The following REV3L variants were observed in gnomAD, a reference collection of about 807,000 sequenced individuals.
REV3L encodes the protein REV3 like, DNA directed polymerase zeta catalytic subunit, also known as DNA polymerase zeta catalytic subunit.
Under a neutral mutation model 299.4 loss-of-function variants are expected in REV3L, and 69 were observed. The observed-to-expected ratio is 0.23, with a 90% confidence interval of 0.19 to 0.28. REV3L has a LOEUF of 0.28. REV3L is among the 10% of genes least tolerant of loss of function. The pLI is 1.00. For missense variants in REV3L, 3,128 were observed against 3,693.8 expected, an observed-to-expected ratio of 0.85 and a Z score of 3.97; for synonymous variants, 1,238 against 1,271.4, an observed-to-expected ratio of 0.97 and a Z score of 0.56.
chr6:111,376,403 G>C lies in REV3L; in HGVS notation c.1952C>G (p.Pro651Arg). ...AATACTACTTTCACAGGAAGATACT[G>C]GGAGGATCTCTTTCTTACTATTCTC... ...HKENSKKEIL[P>R]VSSCESSIFD... is the part of the protein sequence containing the mutation. The change falls in exon 13 of 32, where the codon CCA becomes CGA. Residue 651 changes from proline to arginine, a missense_variant. Physicochemically the swap from Pro to Arg is moderately radical, Grantham distance 103. This residue lies in a region of REV3L where 2,409 missense variants were observed against 2,611.8 expected (regional missense o/e 0.92). Transcript: ENST00000368802. 6.2e-7 allele frequency: 1 copy of C among 1,613,426 alleles called. No homozygotes were observed. Among genetic ancestry groups the C allele is most frequent in the Non-Finnish European group, 8.5e-7 (1 of 1,179,644 alleles).
chr6:111,380,249 A>C, intron 10 of REV3L, 30 bp from the exon 11 acceptor site: 4 of 1,490,972 alleles, frequency 2.7e-6, no homozygotes, highest in Non-Finnish European at 3.7e-6. Flanking sequence ...ATCACCAACA[A>C]ATAAGTTTTC....
chr6:111,349,486 T>G, intron 19 of REV3L, 150 bp from the exon 20 acceptor site: 1 of 447,712 alleles, frequency 2.2e-6, no homozygotes, highest in Admixed American at 3.8e-5. Flanking sequence ...GAAATAAATA[T>G]AACCTGAAGT....
chr6:111,374,692 T>C lies in REV3L; in HGVS notation c.3663A>G (p.Arg1221=). The C allele has an allele frequency of 6.2e-7, 1 of 1,613,522 alleles. No homozygotes were observed. Among genetic ancestry groups the C allele is most frequent in the Non-Finnish European group, 8.5e-7 (1 of 1,179,922 alleles). ...KQKTNEKGTS[R]KHTTLKDEKI... ...TTTCATCCTTAAGTGTTGTATGCTT[T>C]CTCGATGTACCTTTCTCATTTGTTT... The change falls in exon 13 of 32, where the codon AGA becomes AGG. Residue 1221 remains arginine, a synonymous_variant. Transcript: ENST00000368802.
At chr6:111,476,563 T>C (rs1403053501) in intron 1 of REV3L, among the ~76,000 whole-genome samples, 1 of 152,218 alleles carries the variant, frequency 6.6e-6, no homozygotes, top group African/African-American at 2.4e-5. Context: ...GGATTTCAGA[T>C]TATGGAGTTT....
chr6:111,384,187 T>A (rs1278891563), intron 9 of REV3L, among the ~76,000 whole-genome samples: 2 of 152,128 alleles, frequency 1.3e-5, no homozygotes, highest in African/African-American at 4.8e-5. Context: ...AGAATATTGG[T>A]CTGAGCAAAG....
chr6:111,417,215 C>A (rs1784868606), intron 1 of REV3L, among the ~76,000 whole-genome samples: 1 of 152,084 alleles, frequency 6.6e-6, no homozygotes, highest in Non-Finnish European at 1.5e-5. Flanking sequence ...GACAATCCAG[C>A]ACAGCCATGA....
intron 21 of REV3L, among the ~76,000 whole-genome samples, chr6:111,338,927 G>GTC (rs1322958899): frequency 2.6e-5 from 4 of 152,116 alleles, no homozygotes; most frequent in African/African-American, 7.2e-5. Context: ...GAGTGAGATA[G>GTC]TCGTAGGTTC....
At chr6:111,406,223 T>A (rs1783608833) in intron 3 of REV3L, among the ~76,000 whole-genome samples, 1 of 152,136 alleles carries the variant, frequency 6.6e-6, no homozygotes, top group Non-Finnish European at 1.5e-5. Flanking sequence ...CTAGAGGCAC[T>A]TTTTTCTCTG....
At chr6:111,315,977 C>A (rs886478227) in intron 26 of REV3L, among the ~76,000 whole-genome samples, 1 of 152,028 alleles carries the variant, frequency 6.6e-6, no homozygotes, top group Non-Finnish European at 1.5e-5. Flanking sequence ...CAGTGGCTCA[C>A]GCCTATAATC....
At chr6:111,332,176 A>G (rs933612521) in intron 23 of REV3L, among the ~76,000 whole-genome samples, 1 of 152,004 alleles carries the variant, frequency 6.6e-6, no homozygotes, top group East Asian at 1.9e-4. Context: ...GGTTCATGCC[A>G]TTCTCCTGCC....
intron 1 of REV3L, among the ~76,000 whole-genome samples, chr6:111,426,296 C>T (rs1168483247): frequency 6.6e-6 from 1 of 152,104 alleles, no homozygotes; most frequent in Non-Finnish European, 1.5e-5. Context: ...AATTGGGTGG[C>T]CTCTAAGAAG....
In REV3L at chr6:111,392,984, A is replaced by C. The variant is rs1782092137; in HGVS notation, c.566-12T>G. 1 of 1,524,330 alleles carries C rather than the reference A, an allele frequency of 6.6e-7. No individual in the cohort carries two copies. Among genetic ancestry groups the C allele is most frequent in the African/African-American group, 1.4e-5 (1 of 72,912 alleles). 94.4% of individuals were successfully genotyped at this position (1,524,330 alleles called of 1,614,324 possible). A position where few individuals can be genotyped will look rare whatever the true frequency, so the allele number is the denominator to read the frequency against. The stretch of plus-strand genomic sequence containing the variant: ...ATGCAATGTATTACCTAGGAATAGA[A>C]AGGTAAAAGGAATAAATTCTACTTT... On this transcript the variant is annotated splice_polypyrimidine_tract_variant and intron_variant, in intron 4 of 31. Transcript: ENST00000368802.
intron 4 of REV3L, among the ~76,000 whole-genome samples, chr6:111,394,919 T>C (rs1331696071): frequency 6.6e-6 from 1 of 151,988 alleles, no homozygotes; most frequent in Non-Finnish European, 1.5e-5. Context: ...CTCAAATTTC[T>C]TGGCTCAAGT....
chr6:111,344,090 T>A, intron 20 of REV3L, 47 bp from the exon 21 acceptor site: 1 of 1,318,584 alleles, frequency 7.6e-7, no homozygotes, highest in African/African-American at 1.5e-5. Flanking sequence ...TACATTTATG[T>A]AGCAAATTTG....
intron 2 of REV3L, 38 bp downstream of exon 2, chr6:111,416,245 A>G (rs1389461714): frequency 1.4e-6 from 2 of 1,404,178 alleles, no homozygotes; most frequent in South Asian, 1.5e-5. Flanking sequence ...GAATAGCAAC[A>G]TAAACAGAAA....
intron 26 of REV3L, among the ~76,000 whole-genome samples, chr6:111,318,695 C>T (rs982190582): frequency 6.6e-6 from 1 of 151,734 alleles, no homozygotes; most frequent in Non-Finnish European, 1.5e-5. Context: ...CTCAGCTTCC[C>T]GAGTAGCTGG....
chr6:111,483,307 A>G, upstream of REV3L: 2 of 449,672 alleles, frequency 4.4e-6, no homozygotes, highest in East Asian at 7.8e-5. Context: ...CGGCGGGAAA[A>G]GGAGCGAGAG....
chr6:111,325,682 G>A (rs966493825), intron 25 of REV3L, among the ~76,000 whole-genome samples: 36 of 152,216 alleles, frequency 2.4e-4, no homozygotes, highest in African/African-American at 7.2e-4. Flanking sequence ...ATACGTATAT[G>A]CGGTACATAT....
chr6:111,382,570 C>T lies in REV3L; in HGVS notation c.1097-1126G>A, dbSNP rs148530086. On this transcript the variant is annotated intron_variant, in intron 9 of 31. Coordinates refer to ENST00000368802, the MANE Select transcript of REV3L (RefSeq NM_001372078.1). ...CAGCCCCAGCCAGAGGGAAACTGCC[C>T]ATCCCAGCAGTCCAGAACCTGAGTT... Among the ~76,000 whole-genome samples the T allele has an allele frequency of 6.3e-3, 958 of 152,266 alleles. 12 individuals carry two copies. Among genetic ancestry groups the T allele is most frequent in the African/African-American group, 0.022 (908 of 41,548 alleles).
Sources: gnomAD v4.1 joint callset for allele counts (sites outside exome capture counted in the v4.1 genomes callset) on GRCh38, gnomAD v4.1.1 for gene constraint, gnomAD v4.1.1 regional missense constraint, MANE v1.5 for transcripts, NCBI Gene and HGNC (gene_info 2026-07-23, HGNC 2026-07-21) for gene names.